The following BNC2 variants were observed in gnomAD, a reference collection of about 807,000 sequenced individuals.
The protein encoded by BNC2 is zinc finger protein basonuclin-2.
In BNC2, 20 loss-of-function variants were observed where a neutral mutation model predicts 76.3. The ratio of observed to expected loss-of-function variants is 0.26; its 90% confidence interval spans 0.18 to 0.38. The LOEUF (loss-of-function observed/expected upper bound fraction) is 0.38, where lower values mean the gene tolerates loss of function less well. Among genes scored for constraint, BNC2 ranks in the 10% least tolerant of loss-of-function variants. The pLI is 1.00. For synonymous variants in BNC2, 582 were observed against 514.8 expected, an observed-to-expected ratio of 1.13 and a Z score of -1.77; for missense variants, 1,382 against 1,399.8, an observed-to-expected ratio of 0.99 and a Z score of 0.20.
rs1429824028 is a variant in BNC2 at position 16,727,670 on chromosome 9, C to A, written c.330+127G>T. On this transcript the variant is annotated intron_variant, in intron 3 of 6. Coordinates refer to ENST00000380672, the MANE Select transcript of BNC2 (RefSeq NM_017637.6). ...TAACACAGTTATGACAAAACAAGAG[C>A]CTAACTAGGAAGTGACCACATTTTA... 3 of 775,058 alleles carry A rather than the reference C, an allele frequency of 3.9e-6. No individual in the cohort carries two copies. In the Admixed American group the frequency reaches 8.3e-5, roughly 21 times the overall value. The allele number at this position is 775,058 out of a possible 1,614,324, so 48.0% of individuals were successfully genotyped here. A position where few individuals can be genotyped will look rare whatever the true frequency, so the allele number is the denominator to read the frequency against.
intron 5 of BNC2, among the ~76,000 whole-genome samples, chr9:16,515,025 G>C (rs959939460): frequency 6.6e-6 from 1 of 152,176 alleles, no homozygotes; most frequent in Non-Finnish European, 1.5e-5. Context: ...GGGAACAGAC[G>C]GGAGGAAAGA....
chr9:16,817,360 GATA>G (rs754013319), intron 1 of BNC2, among the ~76,000 whole-genome samples: 4 of 152,126 alleles, frequency 2.6e-5, no homozygotes, highest in Non-Finnish European at 4.4e-5. Context: ...ATCTAAAGGT[GATA>G]ATGATGATGA....
At position 16,418,657 on chromosome 9, in the gene BNC2, T is replaced by C. The variant is rs934560027; in HGVS notation, c.*332A>G. On this transcript the variant is annotated 3_prime_UTR_variant, in exon 7 of 7. Coordinates refer to ENST00000380672, the MANE Select transcript of BNC2 (RefSeq NM_017637.6). ...ATTATTCTGTCAAAACTGGGGCTAG[T>C]TGCACACTGTGTGTGTGTGTGTGTG... 3.9e-5 allele frequency: 9 copies of C among 231,044 alleles called. No individual in the cohort carries two copies. The highest frequency in any genetic ancestry group is 1.1e-4 in the Admixed American group (2 of 17,928). 14.3% of individuals were successfully genotyped at this position (231,044 alleles called of 1,614,324 possible).
At chr9:16,605,482 A>G (rs1189185422) in intron 3 of BNC2, among the ~76,000 whole-genome samples, 1 of 152,224 alleles carries the variant, frequency 6.6e-6, no homozygotes, top group East Asian at 1.9e-4. Context: ...GATCAACTTC[A>G]CTACCTACTC....
intron 1 of BNC2, among the ~76,000 whole-genome samples, chr9:16,859,786 C>A (rs368329090): frequency 6.6e-6 from 1 of 152,160 alleles, no homozygotes; most frequent in Non-Finnish European, 1.5e-5. Flanking sequence ...ATCTGCTGTA[C>A]GTTAAGTTAC....
intron 3 of BNC2, among the ~76,000 whole-genome samples, chr9:16,676,022 ACCACTGCGCT>A (rs1383427098): frequency 6.6e-6 from 1 of 152,132 alleles, no homozygotes; most frequent in Non-Finnish European, 1.5e-5. Context: ...CCAAGATTTC[ACCACTGCGCT>A]CCAGCCTGGG....
At position 16,410,030 on chromosome 9, in the gene BNC2, G is replaced by C. The variant is rs1188561325; in HGVS notation, c.*8959C>G. 1 of 152,226 alleles carries C rather than the reference G, an allele frequency of 6.6e-6. No individual in the cohort carries two copies. Among genetic ancestry groups the C allele is most frequent in the African/African-American group, 2.4e-5 (1 of 41,446 alleles). 9.4% of individuals were successfully genotyped at this position (152,226 alleles called of 1,614,324 possible). The stretch of plus-strand genomic sequence containing the variant: ...TCAACTCCCTCTGGCCACTTTTGCT[G>C]TCAAATATGGAGGCTGAGTCCAATA... On this transcript the variant is annotated 3_prime_UTR_variant, in exon 7 of 7. Transcript: ENST00000380672.
chr9:16,843,541 C>G (rs1217330951), intron 1 of BNC2, among the ~76,000 whole-genome samples: 2 of 152,206 alleles, frequency 1.3e-5, no homozygotes, highest in Non-Finnish European at 2.9e-5. Context: ...GCCATGTTGG[C>G]CAGGCTGGTC....
At position 16,486,646 on chromosome 9, in the gene BNC2, AC is replaced by A. The variant is rs1424073577; in HGVS notation, c.670-49123del. 9.9e-5 allele frequency among the ~76,000 whole-genome samples: 15 copies of A among 152,236 alleles called. 1 individual carries two copies. The Middle Eastern group carries it at 0.017, about 173-fold the overall frequency. ...CTCTCAAATATTTGCACTAAAGTTT[AC>A]TTTCTGTTCTTTAAAGTTCTCCTGG... On this transcript the variant is annotated intron_variant, in intron 5 of 6. Transcript: ENST00000380672.
In BNC2 at chr9:16,419,208, G is replaced by A; in HGVS notation, c.3081C>T (p.Ser1027=). ...AEVSGSLMFS[S]LSGSNGGIMC... The stretch of plus-strand genomic sequence containing the variant: ...TGATCCCACCATTGCTCCCAGACAA[G>A]CTGCTGAACATAAGAGATCCTGAAA... The change falls in exon 7 of 7, where the codon AGC becomes AGT. Residue 1027 remains serine (S), a synonymous_variant. Coordinates refer to ENST00000380672, the MANE Select transcript of BNC2 (RefSeq NM_017637.6). The A allele has an allele frequency of 1.2e-6, 2 of 1,614,206 alleles. No homozygotes were observed. Among genetic ancestry groups the A allele is most frequent in the South Asian group, 1.1e-5 (1 of 91,090 alleles).
chr9:16,601,472 C>T (rs80290010), intron 3 of BNC2, among the ~76,000 whole-genome samples: 1,983 of 152,282 alleles, frequency 0.013, 53 homozygotes, highest in African/African-American at 0.044. Flanking sequence ...AAACTTGTTT[C>T]GAATCCCCTG....
rs1821299584 is a variant in BNC2 at position 16,449,731 on chromosome 9, T to C, written c.670-12207A>G. Among the ~76,000 whole-genome samples the C allele has an allele frequency of 2.6e-5, 4 of 151,772 alleles. No homozygotes were observed. The Admixed American group carries it at 2.6e-4, about 10-fold the overall frequency. The stretch of plus-strand genomic sequence containing the variant: ...ATTAGTAAAAACATATTTAATGTTC[T>C]ATGTTGCATTTCAGAGCTGATAGCT... On this transcript the variant is annotated intron_variant, in intron 5 of 6. Transcript: ENST00000380672.
intron 1 of BNC2, among the ~76,000 whole-genome samples, chr9:16,869,878 T>A (rs543510011): frequency 2.2e-4 from 34 of 151,824 alleles, no homozygotes; most frequent in African/African-American, 7.7e-4. Context: ...TCACCTAGGG[T>A]TTTTCAGCAT....
intron 3 of BNC2, among the ~76,000 whole-genome samples, chr9:16,686,989 T>C (rs1197873268): frequency 6.6e-6 from 1 of 152,050 alleles, no homozygotes; most frequent in Non-Finnish European, 1.5e-5. Flanking sequence ...AATGCGCGAG[T>C]CACTATGTGG....
chr9:16,870,572 G>C lies in BNC2; in HGVS notation c.3+74C>G, dbSNP rs530085811. The C allele has an allele frequency of 3.2e-6, 5 of 1,571,170 alleles. No individual in the cohort carries two copies. The East Asian group carries it at 1.2e-4, about 37-fold the overall frequency. ...GCGGACACGGCCCCCGGGCGGCCCC[G>C]GTGGCGCTCGGGCGCGGGGGTCATT... On this transcript the variant is annotated intron_variant, in intron 1 of 6. Coordinates refer to ENST00000380672, the MANE Select transcript of BNC2 (RefSeq NM_017637.6).
At chr9:16,809,164 C>A (rs1306849871) in intron 1 of BNC2, among the ~76,000 whole-genome samples, 2 of 152,126 alleles carry the variant, frequency 1.3e-5, no homozygotes, top group Non-Finnish European at 2.9e-5. Context: ...TTTGTCAGAA[C>A]AAGGGCCTTG....
intron 3 of BNC2, among the ~76,000 whole-genome samples, chr9:16,662,316 A>G (rs1030537543): frequency 1.3e-5 from 2 of 152,134 alleles, no homozygotes; most frequent in Admixed American, 1.3e-4. Flanking sequence ...GTCTCATTCT[A>G]CTCTACACTA....
chr9:16,436,649 T>C lies in BNC2; in HGVS notation c.1545A>G (p.Ser515=), dbSNP rs117470554. ...NRDKDLIRAT[S]GAATPVIAST... is the part of the protein sequence containing the mutation. ...TTGCTATGACAGGGGTGGCAGCTCCTGAGGTGGCCCGAATTAAATCTTTAT... is the reference window on the plus strand; with the variant it reads ...TTGCTATGACAGGGGTGGCAGCTCCCGAGGTGGCCCGAATTAAATCTTTAT... Residue 515 remains serine (S), a synonymous_variant, in exon 6 of 7, where the codon TCA becomes TCG. Transcript: ENST00000380672. 0.054 allele frequency: 87,732 copies of C among 1,613,996 alleles called. 2,754 individuals are homozygous for C. The highest frequency in any genetic ancestry group is 0.063 in the Non-Finnish European group (74,525 of 1,179,950).
chr9:16,603,835 T>G (rs1242906264), intron 3 of BNC2, among the ~76,000 whole-genome samples: 1 of 151,990 alleles, frequency 6.6e-6, no homozygotes, highest in Non-Finnish European at 1.5e-5. Flanking sequence ...TTTTTCTGTT[T>G]AGGTATATTT....
Sources: gnomAD v4.1 joint callset for allele counts (sites outside exome capture counted in the v4.1 genomes callset) on GRCh38, gnomAD v4.1.1 for gene constraint, MANE v1.5 for transcripts, NCBI Gene and HGNC (gene_info 2026-07-23, HGNC 2026-07-21) for gene names.